Variants in LPAR5 observed in about 807,000 individuals in gnomAD.
The protein encoded by LPAR5 is G protein-coupled receptor 92.
For synonymous variants in LPAR5, 271 were observed against 261.6 expected (o/e 1.04, Z -0.35); for missense variants, 544 against 521.8 (o/e 1.04, Z -0.41).
At chr12:6,625,811 G>GC (rs1948935827) in intron 1 of LPAR5, among the ~76,000 whole-genome samples, 1 of 149,362 alleles carries the variant, frequency 6.7e-6, no homozygotes, top group Non-Finnish European at 1.5e-5. Context: ...TTTGTTTTTT[G>GC]TTTTTTTTGA....
intron 1 of LPAR5, among the ~76,000 whole-genome samples, chr12:6,632,128 C>T (rs1200931923): frequency 3.9e-5 from 6 of 152,142 alleles, no homozygotes. Context: ...CACACCACCA[C>T]ACCCGGCTAA....
rs780724716 is a variant in LPAR5 at position 6,621,220 on chromosome 12, C to T, written c.29G>A (p.Ser10Asn). Residue 10 changes from serine to asparagine, a missense_variant, in exon 2 of 2, where the codon AGT becomes AAT. Ser to Asn is a conservative substitution (Grantham distance 46). Transcript: ENST00000329858. ...GTAGTCAGGACACGGGAGAACAGAA[C>T]TGTTGGTTGAGGAGCTGTTGGCTAA... MLANSSSTN[S>N]SVLPCPDYRP... is the part of the protein sequence containing the mutation. 6.6e-7 allele frequency: 1 copy of T among 1,517,908 alleles called. No individual in the cohort carries two copies. Among genetic ancestry groups the T allele is most frequent in the East Asian group, 2.3e-5 (1 of 43,510 alleles). 94.0% of individuals were successfully genotyped at this position (1,517,908 alleles called of 1,614,324 possible).
chr12:6,633,422 T>G (rs1283475552), intron 1 of LPAR5, among the ~76,000 whole-genome samples: 1 of 152,008 alleles, frequency 6.6e-6, no homozygotes, highest in Non-Finnish European at 1.5e-5. Context: ...GTTTTTTTTT[T>G]TTCTGAGATG....
chr12:6,627,832 C>G (rs1948952083), intron 1 of LPAR5, among the ~76,000 whole-genome samples: 1 of 135,794 alleles, frequency 7.4e-6, no homozygotes, highest in Non-Finnish European at 1.6e-5. Context: ...CTACACCCAT[C>G]CCGCCCCCAA....
At chr12:6,624,123 A>G (rs1333710094) in intron 1 of LPAR5, among the ~76,000 whole-genome samples, 1 of 152,200 alleles carries the variant, frequency 6.6e-6, no homozygotes, top group Non-Finnish European at 1.5e-5. Context: ...AAATGGGAAT[A>G]ATAATATAAT....
Position 6,619,947 on chromosome 12 carries a change from T to A in LPAR5, c.*183A>T. 1.2e-6 allele frequency: 1 copy of A among 851,824 alleles called. No homozygotes were observed. Among genetic ancestry groups the A allele is most frequent in the Non-Finnish European group, 1.9e-6 (1 of 514,484 alleles). The allele number at this position is 851,824 out of a possible 1,614,324, so 52.8% of individuals were successfully genotyped here. On this transcript the variant is annotated 3_prime_UTR_variant, in exon 2 of 2. Coordinates refer to ENST00000329858, the MANE Select transcript of LPAR5 (RefSeq NM_020400.6). ...CGTGCTCACAGTTTAAAGAAGCCATTTCCAGCAGCACTGCCTTCCCTGGGC... is the reference window on the plus strand; with the variant it reads ...CGTGCTCACAGTTTAAAGAAGCCATATCCAGCAGCACTGCCTTCCCTGGGC...
At chr12:6,625,016 T>C (rs915219287) in intron 1 of LPAR5, among the ~76,000 whole-genome samples, 4 of 152,226 alleles carry the variant, frequency 2.6e-5, no homozygotes, top group African/African-American at 9.6e-5. Flanking sequence ...TTTCCACCTT[T>C]TGGCTATTGT....
Position 6,619,791 on chromosome 12 carries a change from AT to A in LPAR5, c.*338del, listed in dbSNP as rs775360133. 1.2e-5 allele frequency: 5 copies of A among 432,718 alleles called. No homozygotes were observed. The highest frequency in any genetic ancestry group is 4.4e-6 in the Non-Finnish European group (1 of 226,864). 26.8% of individuals were successfully genotyped at this position (432,718 alleles called of 1,614,324 possible). ...GTGGCGGTTTAGATCCAGAATGCCC[AT>A]TTTCTGTTCCATCTAACCAGCTTTT... is the stretch of plus-strand genomic sequence containing the variant. On this transcript the variant is annotated 3_prime_UTR_variant, in exon 2 of 2. Transcript: ENST00000329858.
chr12:6,619,115 CATT>C lies in LPAR5; in HGVS notation c.*1012_*1014del, dbSNP rs1190449419. On this transcript the variant is annotated 3_prime_UTR_variant, in exon 2 of 2. Coordinates refer to ENST00000329858, the MANE Select transcript of LPAR5 (RefSeq NM_020400.6). ...AGGCTTCATGAAGTGTGTGTGGTGA[CATT>C]ATTGCTCCCATGGCTAATGTAATGT... 2 of 152,218 alleles carry C rather than the reference CATT, an allele frequency of 1.3e-5. No homozygotes were observed. The highest frequency in any genetic ancestry group is 2.4e-5 in the African/African-American group (1 of 41,458). The allele number at this position is 152,218 out of a possible 1,614,324, so 9.4% of individuals were successfully genotyped here.
rs1381389450 is a variant in LPAR5, at chr12:6,620,206, C to T, written c.1043G>A (p.Ser348Asn). The change falls in exon 2 of 2, where the codon AGT becomes AAT. Residue 348 changes from serine to asparagine, a missense_variant. By Grantham distance (46) the Ser-to-Asn change is conservative (BLOSUM62 1). Transcript: ENST00000329858. The surrounding 1 kb of genome is among the most constrained non-coding windows in gnomAD (Gnocchi z 6.8). ...TTDATRPDAA[S>N]QGLLRPSDSH... ...GTCGGAGGGTCGGAGCAGCCCCTGA[C>T]TGGCGGCATCCGGCCTGGTGGCGTC... 3.1e-6 allele frequency: 5 copies of T among 1,612,896 alleles called. No individual in the cohort carries two copies. The highest frequency in any genetic ancestry group is 4.2e-6 in the Non-Finnish European group (5 of 1,179,498).
intron 1 of LPAR5, among the ~76,000 whole-genome samples, chr12:6,632,782 C>T (rs1210611031): frequency 6.6e-6 from 1 of 152,224 alleles, no homozygotes; most frequent in Non-Finnish European, 1.5e-5. Context: ...GATGAATCCT[C>T]ATCCTCAAGG....
chr12:6,625,852 A>G (rs954691690), intron 1 of LPAR5, among the ~76,000 whole-genome samples: 6 of 152,050 alleles, frequency 3.9e-5, no homozygotes, highest in African/African-American at 1.2e-4. Flanking sequence ...TCCAGGCTGG[A>G]AAGCAGTGGC....
At chr12:6,633,819 C>T (rs901604498) in intron 1 of LPAR5, among the ~76,000 whole-genome samples, 18 of 152,124 alleles carry the variant, frequency 1.2e-4, no homozygotes, top group African/African-American at 4.3e-4. Context: ...CAGATGGCAT[C>T]AGACAGATGG....
intron 1 of LPAR5, among the ~76,000 whole-genome samples, chr12:6,622,320 CAG>C (rs1948902764): frequency 1.3e-5 from 2 of 151,564 alleles, no homozygotes; most frequent in South Asian, 2.1e-4. Context: ...CCCAGCTACT[CAG>C]GGGGCTGAGA....
Position 6,620,015 on chromosome 12 carries a change from A to T in LPAR5, c.*115T>A, listed in dbSNP as rs912749769. 7.3e-7 allele frequency: 1 copy of T among 1,377,838 alleles called. No individual in the cohort carries two copies. The highest frequency in any genetic ancestry group is 1.0e-6 in the Non-Finnish European group (1 of 988,422). The allele number at this position is 1,377,838 out of a possible 1,614,324, so 85.4% of individuals were successfully genotyped here. On this transcript the variant is annotated 3_prime_UTR_variant, in exon 2 of 2. Coordinates refer to ENST00000329858, the MANE Select transcript of LPAR5 (RefSeq NM_020400.6). The surrounding 1 kb of genome is among the most constrained non-coding windows in gnomAD (Gnocchi z 6.8). ...GTACTCTTCTGCGTTGCTAAGCTGG[A>T]ATTGCCACCCAAAGGTCCAAGTGCC...
rs1324511518 is a variant in LPAR5, at chr12:6,620,045, C to G, written c.*85G>C. 1.3e-6 allele frequency: 2 copies of G among 1,558,692 alleles called. No homozygotes were observed. Among genetic ancestry groups the G allele is most frequent in the Non-Finnish European group, 8.7e-7 (1 of 1,144,190 alleles). ...CCACCCAAAGGTCCAAGTGCCCAGCCCACCTTCTTGTGTGTACACCCTGTA... is the reference window on the plus strand; with the variant it reads ...CCACCCAAAGGTCCAAGTGCCCAGCGCACCTTCTTGTGTGTACACCCTGTA... On this transcript the variant is annotated 3_prime_UTR_variant, in exon 2 of 2. Transcript: ENST00000329858. This position sits in a 1 kb window ranked among gnomAD's most constrained non-coding sequence, Gnocchi z 6.8.
intron 1 of LPAR5, among the ~76,000 whole-genome samples, chr12:6,623,170 G>A (rs921242550): frequency 2.6e-5 from 4 of 151,696 alleles, no homozygotes; most frequent in African/African-American, 4.8e-5. Flanking sequence ...CCCAGGAGGC[G>A]GAGGTTGCAG....
chr12:6,632,336 G>GA (rs1456508103), intron 1 of LPAR5, among the ~76,000 whole-genome samples: 4 of 152,114 alleles, frequency 2.6e-5, no homozygotes, highest in Non-Finnish European at 5.9e-5. Flanking sequence ...TCAGAGGTCT[G>GA]AAAAGAAGGT....
chr12:6,620,348 C>T lies in LPAR5; in HGVS notation c.901G>A (p.Ala301Thr). ...CGCAGGGTGTTGCGGAAGCCCTCGG[C>T]GCTAAAGTAGTACACCAGCGGGTCC... ...VLDPLVYYFSAEGFRNTLRGL... is the reference protein window; with the variant it reads ...VLDPLVYYFSTEGFRNTLRGL... Residue 301 changes from alanine (A) to threonine (T), a missense_variant, in exon 2 of 2, where the codon GCC becomes ACC. By Grantham distance (58) the Ala-to-Thr change is moderately conservative. Transcript: ENST00000329858. The surrounding 1 kb of genome is among the most constrained non-coding windows in gnomAD (Gnocchi z 6.8). 2 of 1,611,098 alleles carry T rather than the reference C, an allele frequency of 1.2e-6. No individual in the cohort carries two copies. Among genetic ancestry groups the T allele is most frequent in the Non-Finnish European group, 1.7e-6 (2 of 1,179,008 alleles).
Sources: allele counts gnomAD v4.1 joint callset (sites outside exome capture counted in the v4.1 genomes callset), GRCh38; gene constraint gnomAD v4.1.1; non-coding constraint Gnocchi (gnomAD v3.1); transcripts MANE v1.5; gene names NCBI Gene and HGNC (gene_info 2026-07-23, HGNC 2026-07-21).